Variants in EPB41L2 observed in about 807,000 individuals in gnomAD.
The protein encoded by EPB41L2 is erythrocyte membrane protein band 4.1 like 2, also known as band 4.1-like protein 2.
A neutral mutation model predicts 113.0 loss-of-function variants in EPB41L2; 43 were observed. The observed-to-expected ratio is 0.38, with a 90% CI of 0.30 to 0.49. EPB41L2 has a LOEUF of 0.49. EPB41L2 is among the 20% of genes least tolerant of loss of function. The probability of loss-of-function intolerance (pLI) is 0.95; values close to 1 mark genes in which losing one functional copy is unlikely to be tolerated. For synonymous variants in EPB41L2, 442 were observed against 436.7 expected, an observed-to-expected ratio of 1.01 and a Z score of -0.15; for missense variants, 1,147 against 1,223.4, an observed-to-expected ratio of 0.94 and a Z score of 0.93.
At chr6:131,055,401 T>C (rs1797401060) in intron 1 of EPB41L2, among the ~76,000 whole-genome samples, 1 of 152,162 alleles carries the variant, frequency 6.6e-6, no homozygotes, top group South Asian at 2.1e-4. Flanking sequence ...GTCTCTAGTC[T>C]GAAAAACAAG....
chr6:130,951,396 C>T (rs1815023837), intron 3 of EPB41L2, among the ~76,000 whole-genome samples: 1 of 140,318 alleles, frequency 7.1e-6, no homozygotes, highest in Non-Finnish European at 1.5e-5. Context: ...GCAACCTTGG[C>T]TCACTGCAAC....
chr6:130,987,466 G>A (rs1780833872), intron 1 of EPB41L2, among the ~76,000 whole-genome samples: 1 of 152,170 alleles, frequency 6.6e-6, no homozygotes, highest in South Asian at 2.1e-4. Context: ...GCCAAGACAG[G>A]TGGATCACTT....
At chr6:131,034,276 G>A (rs577330926) in intron 1 of EPB41L2, among the ~76,000 whole-genome samples, 31 of 152,232 alleles carry the variant, frequency 2.0e-4, no homozygotes, top group African/African-American at 6.3e-4. Context: ...GGTTGGGGGG[G>A]ACAGTATAAT....
chr6:130,885,513 G>A (rs1384956104), intron 11 of EPB41L2, among the ~76,000 whole-genome samples: 1 of 152,148 alleles, frequency 6.6e-6, no homozygotes, highest in Non-Finnish European at 1.5e-5. Flanking sequence ...ACAGGTATTG[G>A]AAGGATAAAC....
chr6:130,949,356 C>T (rs570844254), intron 3 of EPB41L2, among the ~76,000 whole-genome samples: 2 of 152,256 alleles, frequency 1.3e-5, no homozygotes, highest in Admixed American at 1.3e-4. Context: ...AATCCCAGCA[C>T]CTTGGGAGGC....
chr6:130,975,235 A>G (rs73621574), intron 1 of EPB41L2, among the ~76,000 whole-genome samples: 5,160 of 152,312 alleles, frequency 0.034, 259 homozygotes, highest in African/African-American at 0.11. Flanking sequence ...AGACCAAAAA[A>G]GGTCATGTTT....
chr6:130,894,808 T>A (rs1409338025), intron 9 of EPB41L2, among the ~76,000 whole-genome samples, 159 bp downstream of exon 9: 1 of 152,198 alleles, frequency 6.6e-6, no homozygotes, highest in African/African-American at 2.4e-5. Flanking sequence ...ACCAGACGTA[T>A]ATATACTGCA....
At chr6:130,923,671 A>G (rs182123997) in intron 4 of EPB41L2, among the ~76,000 whole-genome samples, 1 of 152,280 alleles carries the variant, frequency 6.6e-6, no homozygotes. Context: ...AGTAATCAAA[A>G]TTCACTAACT....
chr6:130,953,954 C>G (rs1231957828), intron 3 of EPB41L2, among the ~76,000 whole-genome samples: 1 of 144,154 alleles, frequency 6.9e-6, no homozygotes, highest in Admixed American at 6.9e-5. Flanking sequence ...TTTAAATTAC[C>G]CAGTTGACGG....
At chr6:130,998,880 G>A (rs1452213472) in intron 1 of EPB41L2, among the ~76,000 whole-genome samples, 3 of 152,082 alleles carry the variant, frequency 2.0e-5, no homozygotes, top group Non-Finnish European at 4.4e-5. Flanking sequence ...TGACTCCACT[G>A]AGAGAGGAAA....
At chr6:130,997,702 A>C (rs1394606942) in intron 1 of EPB41L2, among the ~76,000 whole-genome samples, 1 of 152,182 alleles carries the variant, frequency 6.6e-6, no homozygotes, top group Non-Finnish European at 1.5e-5. Flanking sequence ...CTTTAGCCCT[A>C]ACAAAGAGAA....
chr6:131,019,793 A>C (rs1253635139), intron 1 of EPB41L2, among the ~76,000 whole-genome samples: 3 of 152,084 alleles, frequency 2.0e-5, no homozygotes, highest in Admixed American at 6.5e-5. Flanking sequence ...ACATATATTT[A>C]TGGGTGACAT....
intron 12 of EPB41L2, chr6:130,880,782 A>C: frequency 2.8e-6 from 1 of 351,982 alleles, no homozygotes. Context: ...CAGGAACAAG[A>C]ATATGAGAGT....
chr6:130,981,826 T>G (rs928758570), intron 1 of EPB41L2, among the ~76,000 whole-genome samples: 1 of 152,024 alleles, frequency 6.6e-6, no homozygotes, highest in Non-Finnish European at 1.5e-5. Flanking sequence ...ATAAATAAAA[T>G]TTGGAGAAAA....
At chr6:130,860,918 G>A (rs1044149546) in intron 18 of EPB41L2, among the ~76,000 whole-genome samples, 4 of 152,128 alleles carry the variant, frequency 2.6e-5, no homozygotes, top group African/African-American at 9.7e-5. Context: ...TCCTTGGTAT[G>A]GAGCTGAAAG....
At chr6:131,030,989 G>A (rs1461492654) in intron 1 of EPB41L2, among the ~76,000 whole-genome samples, 1 of 151,998 alleles carries the variant, frequency 6.6e-6, no homozygotes, top group Admixed American at 6.5e-5. Context: ...CTACTCAGGA[G>A]GCTAAGGTGG....
intron 3 of EPB41L2, among the ~76,000 whole-genome samples, chr6:130,941,122 T>C (rs992926583): frequency 1.3e-4 from 20 of 152,220 alleles, no homozygotes; most frequent in African/African-American, 4.3e-4. Context: ...TTTAAATAAA[T>C]ACTATTTTGA....
chr6:130,998,275 A>G (rs559182507), intron 1 of EPB41L2, among the ~76,000 whole-genome samples: 17 of 152,334 alleles, frequency 1.1e-4, no homozygotes, highest in Admixed American at 5.2e-4. Context: ...AAAATCAAAT[A>G]ATTTTCACAT....
intron 1 of EPB41L2, among the ~76,000 whole-genome samples, chr6:131,036,231 T>C (rs1386117055): frequency 2.6e-5 from 4 of 152,110 alleles, no homozygotes; most frequent in African/African-American, 9.7e-5. Flanking sequence ...TTATGGAATG[T>C]TGTAAAATTC....
Sources: gnomAD v4.1 joint callset for allele counts (sites outside exome capture counted in the v4.1 genomes callset) on GRCh38, gnomAD v4.1.1 for gene constraint, MANE v1.5 for transcripts, NCBI Gene and HGNC (gene_info 2026-07-23, HGNC 2026-07-21) for gene names.